The following RCSD1 variants were observed in gnomAD, a reference collection of about 807,000 sequenced individuals.
The protein encoded by RCSD1 is capZ-interacting protein.
In RCSD1, 26 loss-of-function variants were observed where a neutral mutation model predicts 42.5. The ratio of observed to expected loss-of-function variants is 0.61; its 90% CI spans 0.45 to 0.85. RCSD1 has a LOEUF of 0.85. Ranked by LOEUF, RCSD1 falls within the 40% of genes least tolerant of loss-of-function variation. The pLI, the probability that RCSD1 is intolerant of heterozygous loss-of-function variation, is 0.00. For synonymous variants in RCSD1, 220 were observed against 212.2 expected, an observed-to-expected ratio of 1.04 and a Z score of -0.32; for missense variants, 571 against 528.3, an observed-to-expected ratio of 1.08 and a Z score of -0.79.
chr1:167,700,147 T>C (rs1345238809), intron 6 of RCSD1, among the ~76,000 whole-genome samples: 1 of 152,116 alleles, frequency 6.6e-6, no homozygotes. Context: ...AGACAGAAAA[T>C]TGTCTGACCC....
rs754386721 is a variant in RCSD1 at position 167,697,297 on chromosome 1, G to A, written c.673G>A (p.Gly225Arg). 9.3e-6 allele frequency: 15 copies of A among 1,614,018 alleles called. No homozygotes were observed. The Admixed American group carries it at 2.0e-4, about 22-fold the overall frequency. The change falls in exon 6 of 7, where the codon GGA becomes AGA. Residue 225 changes from glycine (G) to arginine (R), a missense_variant. Physicochemically the swap from Gly to Arg is moderately radical, Grantham distance 125. Transcript: ENST00000367854. ...CCCTTTGTCCAGTGAGGGAGCAGCG[G>A]GAGAGGGAGTGAGAACCCTGGGACC... ...GSPLSSEGAA[G>R]EGVRTLGPAE...
intron 1 of RCSD1, among the ~76,000 whole-genome samples, chr1:167,671,738 T>C (rs1183720902): frequency 6.6e-6 from 1 of 152,182 alleles, no homozygotes. Flanking sequence ...CAAAAATAAA[T>C]CTGTGGTTTT....
intron 1 of RCSD1, among the ~76,000 whole-genome samples, chr1:167,661,633 G>C (rs747573256): frequency 3.9e-5 from 6 of 152,238 alleles, no homozygotes; most frequent in Non-Finnish European, 8.8e-5. Context: ...CTAGGAAGTG[G>C]ATGTGGATGT....
Position 167,670,459 on chromosome 1 carries a change from G to A in RCSD1, c.7-13441G>A, listed in dbSNP as rs1406340756. 2.6e-5 allele frequency among the ~76,000 whole-genome samples: 4 copies of A among 151,900 alleles called. No homozygotes were observed. In the East Asian group the frequency reaches 7.7e-4, roughly 29 times the overall value. ...CCCTGCATGCCTGCTGGTGGGAAAAGGAAAGAGAAGACAAAAATGGTTGTG... is the reference window on the plus strand; with the variant it reads ...CCCTGCATGCCTGCTGGTGGGAAAAAGAAAGAGAAGACAAAAATGGTTGTG... On this transcript the variant is annotated intron_variant, in intron 1 of 6. Transcript: ENST00000367854.
intron 1 of RCSD1, among the ~76,000 whole-genome samples, chr1:167,639,297 T>G (rs535816885): frequency 6.6e-6 from 1 of 152,300 alleles, no homozygotes; most frequent in Admixed American, 6.5e-5. Flanking sequence ...CTAGGACGCC[T>G]TTGACCCGCA....
chr1:167,661,347 G>A (rs1658537987), intron 1 of RCSD1, among the ~76,000 whole-genome samples: 1 of 152,236 alleles, frequency 6.6e-6, no homozygotes, highest in Non-Finnish European at 1.5e-5. Context: ...GTCCCTGGTT[G>A]AGGGCCTAGT....
At chr1:167,686,249 G>A (rs1659234415) in intron 3 of RCSD1, among the ~76,000 whole-genome samples, 2 of 152,120 alleles carry the variant, frequency 1.3e-5, no homozygotes, top group Non-Finnish European at 2.9e-5. Context: ...CACCTGGGAG[G>A]CCAACCCCAA....
intron 1 of RCSD1, 32 bp from the exon 2 acceptor site, chr1:167,683,868 T>A (rs759793820): frequency 6.2e-7 from 1 of 1,602,402 alleles, no homozygotes; most frequent in South Asian, 1.1e-5. Context: ...ACCCATTTGC[T>A]GATTAACTGT....
chr1:167,638,146 C>A (rs1657908087), intron 1 of RCSD1, among the ~76,000 whole-genome samples: 1 of 152,192 alleles, frequency 6.6e-6, no homozygotes, highest in African/African-American at 2.4e-5. Flanking sequence ...GGGCTGCCCA[C>A]CACGACCTCC....
rs1037273387 is a variant in RCSD1, at chr1:167,708,552, G to A, written c.*3856G>A. Among the ~76,000 whole-genome samples, 1 of 152,160 alleles carries A rather than the reference G, an allele frequency of 6.6e-6. No homozygotes were observed. The highest frequency in any genetic ancestry group is 1.5e-5 in the Non-Finnish European group (1 of 68,028). On this transcript the variant is annotated 3_prime_UTR_variant, in exon 7 of 7. Transcript: ENST00000367854. Reference sequence around the variant, plus strand: ...TTTCATAAGCCACCCAAGAAAATCAGTCTCATTATTTTATGTAATAATGTA... The same window carrying A: ...TTTCATAAGCCACCCAAGAAAATCAATCTCATTATTTTATGTAATAATGTA...
intron 1 of RCSD1, among the ~76,000 whole-genome samples, chr1:167,648,573 C>T (rs532609620): frequency 3.9e-5 from 6 of 152,322 alleles, no homozygotes; most frequent in African/African-American, 1.2e-4. Flanking sequence ...TCCCCCTCCA[C>T]CAGCAGGGAG....
At chr1:167,655,508 CA>C in intron 1 of RCSD1, among the ~76,000 whole-genome samples, 1 of 152,252 alleles carries the variant, frequency 6.6e-6, no homozygotes, top group East Asian at 1.9e-4. Flanking sequence ...CTGAGATTAT[CA>C]AAAAGTCTCC....
At chr1:167,678,407 A>G (rs1483218837) in intron 1 of RCSD1, among the ~76,000 whole-genome samples, 3 of 140,712 alleles carry the variant, frequency 2.1e-5, no homozygotes, top group Non-Finnish European at 4.5e-5. Flanking sequence ...TCTCCCCAAC[A>G]TGGCTTTCAA....
In RCSD1 at chr1:167,694,877, T is replaced by C. The variant is rs371318857; in HGVS notation, c.474+575T>C. On this transcript the variant is annotated intron_variant, in intron 5 of 6. Coordinates refer to ENST00000367854, the MANE Select transcript of RCSD1 (RefSeq NM_052862.4). ...CAACCCTGATCCTCTGTGTGAGCTT[T>C]CATCACATCCCTCGCCCTGCTGGGA... Among the ~76,000 whole-genome samples, 52 of 152,284 alleles carry C rather than the reference T, an allele frequency of 3.4e-4. 1 individual carries two copies. In the East Asian group the frequency reaches 7.4e-3, roughly 22 times the overall value.
At chr1:167,671,447 C>T (rs1429773741) in intron 1 of RCSD1, among the ~76,000 whole-genome samples, 3 of 152,210 alleles carry the variant, frequency 2.0e-5, no homozygotes, top group African/African-American at 7.2e-5. Context: ...AGGGGCCAGC[C>T]CTTATCCATT....
chr1:167,699,281 G>A (rs1205603725), intron 6 of RCSD1, among the ~76,000 whole-genome samples: 2 of 152,168 alleles, frequency 1.3e-5, no homozygotes, highest in African/African-American at 4.8e-5. Context: ...CAAAACAATA[G>A]AAATATACTT....
intron 1 of RCSD1, among the ~76,000 whole-genome samples, chr1:167,672,574 G>A (rs1351259182): frequency 1.3e-5 from 2 of 152,172 alleles, no homozygotes; most frequent in African/African-American, 4.8e-5. Context: ...ATGGTGGGTA[G>A]AGTCTTTCTT....
Position 167,684,054 on chromosome 1 carries a change from G to A in RCSD1, c.108+53G>A. 2.7e-6 allele frequency: 4 copies of A among 1,463,538 alleles called. No homozygotes were observed. The South Asian group carries it at 4.5e-5, about 17-fold the overall frequency. 90.7% of individuals were successfully genotyped at this position (1,463,538 alleles called of 1,614,324 possible). A position where few individuals can be genotyped will look rare whatever the true frequency, so the allele number is the denominator to read the frequency against. On this transcript the variant is annotated intron_variant, in intron 2 of 6. Coordinates refer to ENST00000367854, the MANE Select transcript of RCSD1 (RefSeq NM_052862.4). ...CTTCAGCAGCGGGCAGGAGGAAAGG[G>A]AAATCTGGTCAGGCCCAGCGGAGAG...
intron 1 of RCSD1, among the ~76,000 whole-genome samples, chr1:167,636,864 G>A (rs1657872697): frequency 6.6e-6 from 1 of 152,144 alleles, no homozygotes; most frequent in African/African-American, 2.4e-5. Flanking sequence ...GGGATTACAG[G>A]CCACCACGCC....
Sources: allele counts gnomAD v4.1 joint callset (sites outside exome capture counted in the v4.1 genomes callset), GRCh38; gene constraint gnomAD v4.1.1; transcripts MANE v1.5; gene names NCBI Gene and HGNC (gene_info 2026-07-23, HGNC 2026-07-21).